MEI4: variants seen among roughly 807,000 people sequenced by gnomAD.
The protein encoded by MEI4 is meiosis-specific protein MEI4.
Under a neutral mutation model 31.4 loss-of-function variants are expected in MEI4, and 27 were observed. The ratio of observed to expected loss-of-function variants is 0.86; its 90% CI spans 0.63 to 1.19. MEI4 has a LOEUF of 1.19. Among genes scored for constraint, MEI4 ranks in the 50% most tolerant of loss-of-function variants. The pLI is 0.00. For synonymous variants in MEI4, 122 were observed against 145.4 expected, an observed-to-expected ratio of 0.84 and a Z score of 1.16; for missense variants, 329 against 398.9, an observed-to-expected ratio of 0.82 and a Z score of 1.49.
At chr6:77,746,077 A>T (rs970173940) in intron 2 of MEI4, among the ~76,000 whole-genome samples, 27 of 152,226 alleles carry the variant, frequency 1.8e-4, no homozygotes, top group Admixed American at 1.5e-3. Flanking sequence ...AAGCAAGAGC[A>T]AACGTATTCA....
chr6:77,828,812 C>G (rs766905161), intron 3 of MEI4, 119 bp from the exon 4 acceptor site: 1 of 722,614 alleles, frequency 1.4e-6, no homozygotes, highest in Non-Finnish European at 1.9e-6. Flanking sequence ...GAGACTGACC[C>G]AGAATTACAT....
chr6:77,714,292 T>C (rs758017111), intron 2 of MEI4, among the ~76,000 whole-genome samples: 10 of 152,120 alleles, frequency 6.6e-5, no homozygotes, highest in Middle Eastern at 3.4e-3. Flanking sequence ...CTATAAAATG[T>C]CAATTCTTTT....
intron 3 of MEI4, among the ~76,000 whole-genome samples, chr6:77,804,259 C>T (rs534912606): frequency 2.0e-4 from 30 of 152,018 alleles, no homozygotes; most frequent in Middle Eastern, 3.4e-3. Flanking sequence ...GAGCCATGTA[C>T]GGGATATAAT....
At chr6:77,868,242 C>CAAAAA (rs35228781) in intron 4 of MEI4, among the ~76,000 whole-genome samples, 1 of 146,630 alleles carries the variant, frequency 6.8e-6, no homozygotes, top group African/African-American at 2.5e-5. Flanking sequence ...AAATTAAAAG[C>CAAAAA]AAAAAAAAAT....
At chr6:77,716,114 C>G (rs9448178) in intron 2 of MEI4, among the ~76,000 whole-genome samples, 36,931 of 152,092 alleles carry the variant, frequency 0.24, 4,759 homozygotes, top group East Asian at 0.4. Flanking sequence ...AATACACTGG[C>G]AAAACAGATA....
chr6:77,817,117 A>G lies in MEI4; in HGVS notation c.769-11814A>G, dbSNP rs142560055. The stretch of plus-strand genomic sequence containing the variant: ...TGTAGCTCAATTATATTCTTATTAT[A>G]CACATATTATTCTTGGTATCTCTGA... On this transcript the variant is annotated intron_variant, in intron 3 of 4. Coordinates refer to ENST00000684080, the MANE Select transcript of MEI4 (RefSeq NM_001322247.2). 7.9e-5 allele frequency among the ~76,000 whole-genome samples: 12 copies of G among 152,238 alleles called. No homozygotes were observed. In the East Asian group the frequency reaches 2.3e-3, roughly 29 times the overall value.
chr6:77,754,884 C>CATG, intron 2 of MEI4, among the ~76,000 whole-genome samples: 1 of 152,154 alleles, frequency 6.6e-6, no homozygotes, highest in Non-Finnish European at 1.5e-5. Flanking sequence ...TAACCACCCC[C>CATG]ATGATCCAAT....
rs978113098 is a variant in MEI4 at position 77,883,735 on chromosome 6, TATATATATAA to T, written c.901-39353_901-39344del. On this transcript the variant is annotated intron_variant, in intron 4 of 4. Coordinates refer to ENST00000684080, the MANE Select transcript of MEI4 (RefSeq NM_001322247.2). ...TATGTAAGATATATATATATATATA[TATATATATAA>T]CTTTGTCTTTGTCTATTCATTTATT... Among the ~76,000 whole-genome samples the T allele has an allele frequency of 1.2e-4, 14 of 116,744 alleles. No homozygotes were observed. In the East Asian group the frequency reaches 2.8e-3, roughly 23 times the overall value. 76.6% of individuals were successfully genotyped at this position (116,744 alleles called of 152,430 possible).
At chr6:77,695,160 T>A (rs1328668309) in intron 2 of MEI4, among the ~76,000 whole-genome samples, 1 of 152,178 alleles carries the variant, frequency 6.6e-6, no homozygotes, top group Non-Finnish European at 1.5e-5. Flanking sequence ...ATTCTGGATA[T>A]TAGCCCTTTG....
chr6:77,888,331 TTTC>T (rs957840422), intron 4 of MEI4, among the ~76,000 whole-genome samples: 2 of 113,888 alleles, frequency 1.8e-5, no homozygotes, highest in Non-Finnish European at 3.6e-5. Context: ...GTATATCCTT[TTTC>T]TTTTTTTTTT....
intron 4 of MEI4, among the ~76,000 whole-genome samples, chr6:77,874,310 A>G (rs979223185): frequency 6.6e-6 from 1 of 152,152 alleles, no homozygotes; most frequent in Non-Finnish European, 1.5e-5. Context: ...CTCCTTGAAG[A>G]GTTCCTTCAC....
At chr6:77,743,649 C>G (rs1262723502) in intron 2 of MEI4, among the ~76,000 whole-genome samples, 2 of 152,146 alleles carry the variant, frequency 1.3e-5, no homozygotes, top group South Asian at 4.1e-4. Flanking sequence ...GATCTGAGAA[C>G]AGGCAGACTG....
intron 4 of MEI4, among the ~76,000 whole-genome samples, chr6:77,839,959 A>G (rs1770317739): frequency 2.0e-5 from 3 of 152,186 alleles, no homozygotes; most frequent in African/African-American, 7.2e-5. Context: ...GTAATCCCTG[A>G]GGTAACCCAG....
chr6:77,700,424 G>A (rs551844658), intron 2 of MEI4, among the ~76,000 whole-genome samples: 8 of 152,284 alleles, frequency 5.3e-5, no homozygotes, highest in Admixed American at 1.3e-4. Context: ...CTGGTGTGCC[G>A]TTTTTTAAGC....
chr6:77,799,476 G>A (rs9443473), intron 3 of MEI4, among the ~76,000 whole-genome samples: 34,590 of 151,890 alleles, frequency 0.23, 4,757 homozygotes, highest in African/African-American at 0.38. Context: ...TTCTTTTGCT[G>A]TGCAGAAGCT....
upstream of MEI4, among the ~76,000 whole-genome samples, chr6:77,650,458 C>T (rs941302159): frequency 1.3e-5 from 2 of 152,222 alleles, no homozygotes; most frequent in African/African-American, 4.8e-5. Flanking sequence ...CCCGCTGGCT[C>T]TGGTGACCAC....
chr6:77,922,523 T>C (rs1195960146), intron 4 of MEI4, among the ~76,000 whole-genome samples: 1 of 151,726 alleles, frequency 6.6e-6, no homozygotes, highest in Admixed American at 6.6e-5. Flanking sequence ...GTGACTTGAC[T>C]TATCTATCTC....
intron 2 of MEI4, among the ~76,000 whole-genome samples, chr6:77,732,541 G>T (rs1442877461): frequency 1.3e-5 from 2 of 151,972 alleles, no homozygotes; most frequent in Non-Finnish European, 2.9e-5. Flanking sequence ...GAGACAAGGG[G>T]TTTTCCAGAT....
chr6:77,728,295 G>A (rs1181767417), intron 2 of MEI4, among the ~76,000 whole-genome samples: 1 of 152,174 alleles, frequency 6.6e-6, no homozygotes, highest in East Asian at 1.9e-4. Flanking sequence ...AGAAGAAAAA[G>A]TCTGCTTACT....
Sources: gnomAD v4.1 joint callset for allele counts (sites outside exome capture counted in the v4.1 genomes callset) on GRCh38, gnomAD v4.1.1 for gene constraint, MANE v1.5 for transcripts, NCBI Gene and HGNC (gene_info 2026-07-23, HGNC 2026-07-21) for gene names.